Variants in ARHGAP29 observed in about 807,000 individuals in gnomAD.
The protein encoded by ARHGAP29 is Rho GTPase activating protein 29.
In ARHGAP29, 43 loss-of-function variants were observed where a neutral mutation model predicts 122.6. The ratio of observed to expected loss-of-function variants is 0.35; its 90% CI spans 0.27 to 0.45. The LOEUF (loss-of-function observed/expected upper bound fraction) is 0.45. Ranked by LOEUF, ARHGAP29 falls within the 20% of genes least tolerant of loss-of-function variation. ARHGAP29 has a pLI of 1.00. For synonymous variants in ARHGAP29, 506 were observed against 497.1 expected (o/e 1.02, Z -0.24); for missense variants, 1,303 against 1,477.2 (o/e 0.88, Z 1.93).
At chr1:94,285,834 C>T in the ARHGAP29 span, among the ~76,000 whole-genome samples, 7 of 141,880 alleles carry the variant, frequency 4.9e-5, no homozygotes, top group Non-Finnish European at 9.0e-5. Context: ...AAGATTGCGC[C>T]ACTATACTCC....
rs538489606 is a variant in ARHGAP29 at position 94,262,550 on chromosome 1, T to G, written c.-33+12462A>C. ...CATCTATAAGGAACTTAAGAAAATT[T>G]ATAGCAAAAAAACCAACAACCCACT... On this transcript the variant is annotated intron_variant and NMD_transcript_variant, in intron 1 of 25. Transcript: ENST00000552844. Among the ~76,000 whole-genome samples the G allele has an allele frequency of 4.6e-5, 7 of 152,068 alleles. No individual in the cohort carries two copies. The East Asian group carries it at 7.7e-4, about 17-fold the overall frequency.
At chr1:94,236,408 G>C (rs1389284976) in intron 1 of ARHGAP29, among the ~76,000 whole-genome samples, 2 of 152,062 alleles carry the variant, frequency 1.3e-5, no homozygotes, top group African/African-American at 4.8e-5. Flanking sequence ...TAAACAAAGA[G>C]GGAAGAATGG....
chr1:94,267,716 T>G (rs1191715542), intron 1 of ARHGAP29, among the ~76,000 whole-genome samples: 1 of 152,206 alleles, frequency 6.6e-6, no homozygotes, highest in African/African-American at 2.4e-5. Flanking sequence ...ACTTGCTAAC[T>G]GTGTGATCAT....
chr1:94,306,441 C>T, the ARHGAP29 span, among the ~76,000 whole-genome samples: 1 of 152,178 alleles, frequency 6.6e-6, no homozygotes, highest in South Asian at 2.1e-4. Context: ...CATAATAAAC[C>T]AGCAGGCAAT....
the ARHGAP29 span, among the ~76,000 whole-genome samples, chr1:94,298,287 A>G: frequency 7.2e-5 from 11 of 152,332 alleles, no homozygotes; most frequent in Admixed American, 3.9e-4. Context: ...TTCTATTACA[A>G]TATTGTACCC....
chr1:94,174,015 C>G lies in ARHGAP29; in HGVS notation c.3640G>C (p.Ala1214Pro). 6.2e-7 allele frequency: 1 copy of G among 1,614,220 alleles called. No individual in the cohort carries two copies. Among genetic ancestry groups the G allele is most frequent in the African/African-American group, 1.3e-5 (1 of 75,062 alleles). The stretch of plus-strand genomic sequence containing the variant: ...TGACCAGTTGCTTGCCCAGGACAAG[C>G]TGATGCTTTGTCTGGGTCTGGCATT... Reference protein sequence around the residue: ...KSMPDPDKASACPGQATGQPK... With the variant: ...KSMPDPDKASPCPGQATGQPK... Residue 1214 changes from alanine to proline, a missense_variant, in exon 23 of 23, where the codon GCT (alanine) becomes CCT (proline). Ala to Pro is a conservative substitution (Grantham distance 27). Coordinates refer to ENST00000260526, the MANE Select transcript of ARHGAP29 (RefSeq NM_004815.4).
the ARHGAP29 span, among the ~76,000 whole-genome samples, chr1:94,292,343 A>C: frequency 2.6e-5 from 4 of 152,190 alleles, no homozygotes; most frequent in South Asian, 8.3e-4. Flanking sequence ...TATTCTAGTT[A>C]GCCATTCGTC....
At chr1:94,200,097 CA>C (rs969521776) in intron 12 of ARHGAP29, among the ~76,000 whole-genome samples, 1 of 151,964 alleles carries the variant, frequency 6.6e-6, no homozygotes, top group Admixed American at 6.6e-5. Flanking sequence ...TAGGTATAAC[CA>C]AAAGCATGAC....
chr1:94,172,723 C>A lies in ARHGAP29; in HGVS notation c.*1146G>T, dbSNP rs530858635. The A allele has an allele frequency of 6.6e-6, 1 of 151,852 alleles. No homozygotes were observed. The highest frequency in any genetic ancestry group is 2.1e-4 in the South Asian group (1 of 4,784). 9.4% of individuals were successfully genotyped at this position (151,852 alleles called of 1,614,324 possible). A position where few individuals can be genotyped will look rare whatever the true frequency, so the allele number is the denominator to read the frequency against. ...TACTTATTTTTTGTCCCTTTTATAT[C>A]CTATTTTAGGCAAAATGATAAAACC... On this transcript the variant is annotated 3_prime_UTR_variant, in exon 23 of 23. Transcript: ENST00000260526.
the ARHGAP29 span, among the ~76,000 whole-genome samples, chr1:94,295,626 T>C: frequency 6.6e-6 from 1 of 152,140 alleles, no homozygotes; most frequent in Non-Finnish European, 1.5e-5. Context: ...TGTGCTTATA[T>C]GTTGATGCGA....
intron 22 of ARHGAP29, chr1:94,176,601 T>C (rs904492100): frequency 2.6e-5 from 4 of 152,332 alleles, no homozygotes; most frequent in Middle Eastern, 6.8e-3. Context: ...TGGTGAATGT[T>C]AGTTCCATTC....
chr1:94,301,200 A>T, the ARHGAP29 span, among the ~76,000 whole-genome samples: 1 of 152,194 alleles, frequency 6.6e-6, no homozygotes, highest in Non-Finnish European at 1.5e-5. Flanking sequence ...ACAGCTTCAC[A>T]ATACCTCTTG....
At chr1:94,261,032 T>C (rs1654539318) in intron 1 of ARHGAP29, among the ~76,000 whole-genome samples, 1 of 152,184 alleles carries the variant, frequency 6.6e-6, no homozygotes, top group Non-Finnish European at 1.5e-5. Context: ...TAAATGTGTC[T>C]CTGTTCTTGA....
intron 1 of ARHGAP29, among the ~76,000 whole-genome samples, chr1:94,263,313 C>T (rs537482629): frequency 1.3e-4 from 19 of 151,352 alleles, no homozygotes; most frequent in African/African-American, 2.9e-4. Flanking sequence ...ACCTGGGTGA[C>T]GAAATAATCT....
At chr1:94,218,761 C>T (rs1652107713) in intron 3 of ARHGAP29, among the ~76,000 whole-genome samples, 1 of 152,060 alleles carries the variant, frequency 6.6e-6, no homozygotes, top group African/African-American at 2.4e-5. Flanking sequence ...AAAAAGGAAA[C>T]CACACAAACA....
At chr1:94,191,903 A>T (rs1241914986) in intron 12 of ARHGAP29, 1 of 152,198 alleles carries the variant, frequency 6.6e-6, no homozygotes, top group African/African-American at 2.4e-5. Context: ...GATTTTTGTG[A>T]GAATTAAATG....
the ARHGAP29 span, among the ~76,000 whole-genome samples, chr1:94,281,649 T>G: frequency 6.6e-6 from 1 of 152,178 alleles, no homozygotes. Flanking sequence ...GCACATAGAC[T>G]TCTCCCCCAG....
At chr1:94,214,049 G>T (rs944775966) in intron 3 of ARHGAP29, among the ~76,000 whole-genome samples, 72 of 152,132 alleles carry the variant, frequency 4.7e-4, no homozygotes, top group African/African-American at 1.7e-3. Context: ...AATGAGAGGT[G>T]ATATAACAGT....
the ARHGAP29 span, among the ~76,000 whole-genome samples, chr1:94,293,264 A>G: frequency 0.63 from 96,240 of 152,136 alleles, 30,550 homozygotes; most frequent in Middle Eastern, 0.78. Context: ...GCAAGGCTCC[A>G]TGGGCATGGG....
Sources: allele counts gnomAD v4.1 joint callset (sites outside exome capture counted in the v4.1 genomes callset), GRCh38; gene constraint gnomAD v4.1.1; transcripts MANE v1.5; gene names NCBI Gene and HGNC (gene_info 2026-07-23, HGNC 2026-07-21).